Variants in WDR49 observed in about 807,000 individuals in gnomAD.
WDR49 encodes the protein cilia- and flagella-associated protein 337.
Under a neutral mutation model 119.5 loss-of-function variants are expected in WDR49, and 107 were observed. That is an observed-to-expected ratio of 0.90 (90% CI 0.77 to 1.05). The LOEUF is 1.05. Ranked by LOEUF, WDR49 falls within the 50% of genes least tolerant of loss-of-function variation. The pLI is 0.00. For synonymous variants in WDR49, 425 were observed against 418.8 expected (o/e 1.01, Z -0.18); for missense variants, 1,240 against 1,220.5 (o/e 1.02, Z -0.24).
At chr3:167,527,578 G>C (rs555401404) in intron 15 of WDR49, among the ~76,000 whole-genome samples, 4 of 152,054 alleles carry the variant, frequency 2.6e-5, no homozygotes, top group East Asian at 3.9e-4. Context: ...AGAAATCCTA[G>C]AATATTTTGA....
intron 8 of WDR49, among the ~76,000 whole-genome samples, chr3:167,563,550 T>G (rs190765167): frequency 6.6e-6 from 1 of 152,134 alleles, no homozygotes; most frequent in African/African-American, 2.4e-5. Flanking sequence ...GGTTAAAGAT[T>G]GTGCAGGATT....
chr3:167,641,390 AAAGATAAGATG>A (rs1003871002), intron 2 of WDR49, among the ~76,000 whole-genome samples: 2 of 151,922 alleles, frequency 1.3e-5, no homozygotes, highest in Admixed American at 1.3e-4. Flanking sequence ...GTACTTACAG[AAAGATAAGATG>A]AAGATAAGAT....
intron 3 of WDR49, among the ~76,000 whole-genome samples, chr3:167,624,392 A>G (rs1717026324): frequency 1.3e-5 from 2 of 151,952 alleles, no homozygotes; most frequent in African/African-American, 4.8e-5. Context: ...GTATGGTACC[A>G]ATTATACAAA....
chr3:167,640,936 T>C (rs1717853213), intron 2 of WDR49, among the ~76,000 whole-genome samples: 1 of 151,774 alleles, frequency 6.6e-6, no homozygotes, highest in Non-Finnish European at 1.5e-5. Flanking sequence ...CTGACATATT[T>C]CTCACTCCAA....
Position 167,549,752 on chromosome 3 carries a change from T to A in WDR49, c.1823+4898A>T, listed in dbSNP as rs184363524. Among the ~76,000 whole-genome samples the A allele has an allele frequency of 2.8e-4, 43 of 152,246 alleles. No homozygotes were observed. The East Asian group carries it at 6.4e-3, about 23-fold the overall frequency. ...GTTGCCATTGCTTTTGGTGTTTTAG[T>A]CATGAAGTCCTTGCTCATGCCTATG... On this transcript the variant is annotated intron_variant, in intron 10 of 18. Transcript: ENST00000682715.
intron 3 of WDR49, among the ~76,000 whole-genome samples, chr3:167,624,904 C>T (rs1158960326): frequency 2.0e-5 from 3 of 152,096 alleles, no homozygotes; most frequent in Non-Finnish European, 4.4e-5. Context: ...GCAGCAAAGA[C>T]TGAAGCATAG....
intron 2 of WDR49, among the ~76,000 whole-genome samples, chr3:167,635,185 A>T (rs1174027243): frequency 1.3e-5 from 2 of 151,822 alleles, no homozygotes; most frequent in African/African-American, 4.8e-5. Flanking sequence ...TCCTAAGGGA[A>T]ATTCTCTAGA....
chr3:167,618,147 C>T (rs1460496299), intron 5 of WDR49, among the ~76,000 whole-genome samples: 4 of 152,154 alleles, frequency 2.6e-5, no homozygotes, highest in Non-Finnish European at 5.9e-5. Context: ...CTCCCTCATC[C>T]ATCCTTCAAG....
chr3:167,655,909 CTA>C (rs1718590982), upstream of WDR49, among the ~76,000 whole-genome samples: 2 of 150,912 alleles, frequency 1.3e-5, no homozygotes, highest in Non-Finnish European at 3.0e-5. Flanking sequence ...CTCTCTCTCT[CTA>C]TCTCTCTCTC....
chr3:167,653,268 G>A lies in WDR49; in HGVS notation c.158C>T (p.Ala53Val). 1.3e-6 allele frequency: 2 copies of A among 1,535,998 alleles called. No homozygotes were observed. The highest frequency in any genetic ancestry group is 1.4e-5 in the African/African-American group (1 of 73,096). Residue 53 changes from alanine (A) to valine (V), a missense_variant, in exon 2 of 19, where the codon GCC becomes GTC. Physicochemically the swap from Ala to Val is moderately conservative, Grantham distance 64 (BLOSUM62 0). Coordinates refer to ENST00000682715, the MANE Select transcript of WDR49 (RefSeq NM_001366157.1). ...SVGDFVKIQKAFESPQPRKII... is the reference protein window; with the variant it reads ...SVGDFVKIQKVFESPQPRKII... ...AATAAGCTTCACACTTACCTCAAAG[G>A]CCTTCTGTATTTTTACAAAGTCACC...
intron 18 of WDR49, among the ~76,000 whole-genome samples, chr3:167,495,812 T>A (rs1055264161): frequency 2.3e-5 from 3 of 130,560 alleles, no homozygotes; most frequent in South Asian, 5.2e-4. Flanking sequence ...ATAAGATGCA[T>A]CAATAACATT....
chr3:167,510,212 G>A (rs1397276289), intron 16 of WDR49, among the ~76,000 whole-genome samples: 2 of 152,050 alleles, frequency 1.3e-5, no homozygotes, highest in African/African-American at 2.4e-5. Flanking sequence ...ATGAAACCCC[G>A]TCTCTACTAA....
chr3:167,508,331 G>A (rs1326654798), intron 16 of WDR49, among the ~76,000 whole-genome samples: 1 of 152,208 alleles, frequency 6.6e-6, no homozygotes, highest in Non-Finnish European at 1.5e-5. Flanking sequence ...GAGGCTGAAT[G>A]CCTGCATTTG....
At chr3:167,485,258 A>G (rs963160924) in intron 18 of WDR49, among the ~76,000 whole-genome samples, 3 of 152,028 alleles carry the variant, frequency 2.0e-5, no homozygotes, top group Admixed American at 2.0e-4. Context: ...GGCTTAAAAC[A>G]TAGATGATAG....
At chr3:167,484,514 A>G (rs1411046903) in intron 18 of WDR49, among the ~76,000 whole-genome samples, 1 of 152,074 alleles carries the variant, frequency 6.6e-6, no homozygotes, top group African/African-American at 2.4e-5. Context: ...CGAGCCTGCC[A>G]TGATCTTTTC....
At chr3:167,479,408 T>C (rs112466923) in intron 18 of WDR49, among the ~76,000 whole-genome samples, 151 of 152,260 alleles carry the variant, frequency 9.9e-4, no homozygotes, top group African/African-American at 3.6e-3. Flanking sequence ...AACAAGCGCA[T>C]CTATAATCAC....
rs986019627 is a variant in WDR49, at chr3:167,529,123, A to G, written c.2335T>C (p.Ser779Pro). Residue 779 changes from serine (S) to proline (P), a missense_variant, in exon 14 of 19, where the codon TCT becomes CCT. By Grantham distance (74) the Ser-to-Pro change is moderately conservative. Transcript: ENST00000682715. Reference protein sequence around the residue: ...AHSGVGSIIMSTDKMNRYLTT... With the variant: ...AHSGVGSIIMPTDKMNRYLTT... ...AGGTATCGATTCATCTTATCAGTAG[A>G]CATAATAATCGATCCAACTCCACTA... 3 of 1,611,616 alleles carry G rather than the reference A, an allele frequency of 1.9e-6. No homozygotes were observed. The Admixed American group carries it at 5.1e-5, about 27-fold the overall frequency.
chr3:167,647,210 C>G (rs1255961617), intron 2 of WDR49, among the ~76,000 whole-genome samples: 3 of 152,168 alleles, frequency 2.0e-5, no homozygotes, highest in Admixed American at 2.0e-4. Flanking sequence ...CTTTCTTTCT[C>G]CCTCCCTCCT....
chr3:167,547,068 CT>C (rs1279207355), intron 10 of WDR49, among the ~76,000 whole-genome samples: 1 of 151,804 alleles, frequency 6.6e-6, no homozygotes, highest in African/African-American at 2.4e-5. Context: ...TACCTGCCCC[CT>C]CTTTCCCTCC....
Sources: gnomAD v4.1 joint callset for allele counts (sites outside exome capture counted in the v4.1 genomes callset) on GRCh38, gnomAD v4.1.1 for gene constraint, MANE v1.5 for transcripts, NCBI Gene and HGNC (gene_info 2026-07-23, HGNC 2026-07-21) for gene names.